GP6: variants seen among roughly 807,000 people sequenced by gnomAD.
GP6 encodes the protein glycoprotein VI platelet.
GP6 carries 45 observed loss-of-function variants against 37.3 expected under a neutral mutation model. That is an observed-to-expected ratio of 1.21 (90% CI 0.95 to 1.55). The LOEUF (loss-of-function observed/expected upper bound fraction) is 1.55, where lower values mean the gene tolerates loss of function less well. Ranked by LOEUF, GP6 falls within the 40% of genes most tolerant of loss-of-function variation. The probability of loss-of-function intolerance (pLI) is 0.00; values close to 1 mark genes in which losing one functional copy is unlikely to be tolerated. For synonymous variants in GP6, 340 were observed against 316.4 expected (o/e 1.07, Z -0.79); for missense variants, 813 against 760.2 (o/e 1.07, Z -0.82).
chr19:55,019,103 T>C (rs758312718), intron 5 of GP6, among the ~76,000 whole-genome samples: 462 of 78,524 alleles, frequency 5.9e-3, no homozygotes, highest in Non-Finnish European at 9.6e-3. Context: ...TCTTTCTTTT[T>C]TTTCTTTTTT....
At chr19:55,030,031 A>G (rs12610286) in intron 3 of GP6, among the ~76,000 whole-genome samples, 49,356 of 152,036 alleles carry the variant, frequency 0.32, 8,278 homozygotes, top group East Asian at 0.56. Context: ...AACAATTAAC[A>G]TATTTGAAAA....
At chr19:55,036,259 G>C (rs2074827269) in intron 1 of GP6, among the ~76,000 whole-genome samples, 2 of 152,050 alleles carry the variant, frequency 1.3e-5, no homozygotes, top group Non-Finnish European at 2.9e-5. Context: ...GAAGGGAAGG[G>C]CAGAAGTGGG....
At position 55,032,126 on chromosome 19, in the gene GP6, C is replaced by T; in HGVS notation, c.325+13G>A. On this transcript the variant is annotated intron_variant, in intron 3 of 7. Transcript: ENST00000310373. ...GACCACGCAGTCCCAGGCTCCGATCCCCCTTCCTTTACCCGTGGCAACGAG... is the reference window on the plus strand; with the variant it reads ...GACCACGCAGTCCCAGGCTCCGATCTCCCTTCCTTTACCCGTGGCAACGAG... 6.2e-7 allele frequency: 1 copy of T among 1,613,056 alleles called. No individual in the cohort carries two copies. The highest frequency in any genetic ancestry group is 1.1e-5 in the South Asian group (1 of 91,062).
At chr19:55,028,630 T>C (rs554395649) in intron 3 of GP6, among the ~76,000 whole-genome samples, 72 of 152,282 alleles carry the variant, frequency 4.7e-4, no homozygotes, top group Non-Finnish European at 1.6e-4. Context: ...CCATTTTTGT[T>C]TTTCAATTAT....
intron 3 of GP6, among the ~76,000 whole-genome samples, chr19:55,029,058 A>G (rs1050561188): frequency 6.6e-6 from 1 of 151,568 alleles, no homozygotes; most frequent in Non-Finnish European, 1.5e-5. Flanking sequence ...TAAGCTGCCT[A>G]ATAATTATGG....
Position 55,014,988 on chromosome 19 carries a change from G to A in GP6, c.957C>T (p.Asp319=). 1 of 1,613,434 alleles carries A rather than the reference G, an allele frequency of 6.2e-7. No individual in the cohort carries two copies. The highest frequency in any genetic ancestry group is 8.5e-7 in the Non-Finnish European group (1 of 1,179,830). The stretch of plus-strand genomic sequence containing the variant: ...ATCCTGACCCCCGTTTGATTTCCGG[G>A]TCAGCGGGAGGGGCGGGAGGGGCGG... The change falls in exon 8 of 8, where the codon GAC becomes GAT. Residue 319 remains aspartate (D), a synonymous_variant. Coordinates refer to ENST00000310373, the MANE Select transcript of GP6 (RefSeq NM_001083899.2).
intron 5 of GP6, among the ~76,000 whole-genome samples, chr19:55,024,324 A>ACACGCACG (rs2074211671): frequency 3.3e-4 from 9 of 27,328 alleles, no homozygotes; most frequent in Non-Finnish European, 4.5e-4. Flanking sequence ...ACGCACACAC[A>ACACGCACG]CATATGCACG....
chr19:55,024,680 C>T (rs748814392), intron 5 of GP6, among the ~76,000 whole-genome samples: 75 of 152,174 alleles, frequency 4.9e-4, no homozygotes, highest in Non-Finnish European at 9.7e-4. Flanking sequence ...ATTCTGGAGC[C>T]ATAGCATCAG....
At chr19:55,025,348 C>G (rs1007016295) in intron 4 of GP6, 77 bp from the exon 5 acceptor site, 1 of 899,888 alleles carries the variant, frequency 1.1e-6, no homozygotes, top group Non-Finnish European at 1.8e-6. Flanking sequence ...ATCTCCGTGA[C>G]TGAGTTTCCT....
At chr19:55,032,599 TG>T in intron 1 of GP6, 61 bp from the exon 2 acceptor site, 1 of 1,564,264 alleles carries the variant, frequency 6.4e-7, no homozygotes, top group East Asian at 2.2e-5. Context: ...TCCTGCCTGC[TG>T]GGCGCGGTGA....
chr19:55,016,516 C>T (rs191984108), intron 6 of GP6, among the ~76,000 whole-genome samples: 1 of 151,720 alleles, frequency 6.6e-6, no homozygotes, highest in African/African-American at 2.4e-5. Flanking sequence ...GCTGGGACTA[C>T]AGGCGTCCGC....
chr19:55,027,565 G>C lies in GP6; in HGVS notation c.610+13C>G. Reference sequence around the variant, plus strand: ...AGGCTGAGGAAGAAAGGTTTGGTCTGCACTACCCCTACCTGTGACCACAAG... The same window carrying C: ...AGGCTGAGGAAGAAAGGTTTGGTCTCCACTACCCCTACCTGTGACCACAAG... On this transcript the variant is annotated intron_variant, in intron 4 of 7. Transcript: ENST00000310373. 6.2e-7 allele frequency: 1 copy of C among 1,607,488 alleles called. No homozygotes were observed. The highest frequency in any genetic ancestry group is 1.3e-5 in the African/African-American group (1 of 74,944).
In GP6 at chr19:55,018,678, G is replaced by T; in HGVS notation, c.698C>A (p.Ser233Ter). The T allele has an allele frequency of 6.2e-7, 1 of 1,607,936 alleles. No individual in the cohort carries two copies. The highest frequency in any genetic ancestry group is 1.1e-5 in the South Asian group (1 of 90,970). ...AGTTGTGAAGACTTCGTTTGTGAAT[G>T]AGACGGTCAGTTCAGCGGTGGCTTC... The change falls in exon 6 of 8, where the codon TCA becomes TAA. Residue 233 changes from serine to a stop codon, truncating the protein, a stop_gained. Transcript: ENST00000310373. LOFTEE classifies it high-confidence loss of function.
Position 55,014,418 on chromosome 19 carries a change from C to G in GP6, c.1527G>C (p.Thr509=), listed in dbSNP as rs753756120. 6.2e-7 allele frequency: 1 copy of G among 1,613,396 alleles called. No homozygotes were observed. The highest frequency in any genetic ancestry group is 8.5e-7 in the Non-Finnish European group (1 of 1,179,462). The stretch of plus-strand genomic sequence containing the variant: ...ACATACCCAAACTGCCTGCAAGACC[C>G]GTTCTGAGAGACGAAAGGAGATTTG... The change falls in exon 8 of 8, where the codon ACG becomes ACC. Residue 509 remains threonine (T), a synonymous_variant. Coordinates refer to ENST00000310373, the MANE Select transcript of GP6 (RefSeq NM_001083899.2).
In GP6 at chr19:55,014,296, T is replaced by C. The variant is rs766808148; in HGVS notation, c.1649A>G (p.Tyr550Cys). 5.5e-6 allele frequency: 8 copies of C among 1,457,570 alleles called. No homozygotes were observed. In the South Asian group the frequency reaches 9.1e-5, roughly 17 times the overall value. The allele number at this position is 1,457,570 out of a possible 1,614,324, so 90.3% of individuals were successfully genotyped here. ...TTTTTGTGTTTTTTTGTTTTGTTGG[T>C]AGAGATGAGGTTTCACCATGTTGCA... Residue 550 changes from tyrosine to cysteine, a missense_variant, in exon 8 of 8, where the codon TAC (tyrosine) becomes TGC (cysteine). Coordinates refer to ENST00000310373, the MANE Select transcript of GP6 (RefSeq NM_001083899.2).
rs1009572499 is a variant in GP6 at position 55,015,177 on chromosome 19, A to T, written c.780-12T>A. 4 of 1,552,632 alleles carry T rather than the reference A, an allele frequency of 2.6e-6. No homozygotes were observed. The highest frequency in any genetic ancestry group is 3.5e-6 in the Non-Finnish European group (4 of 1,147,618). ...CTGGCGGGCAGGACCTGGAGGAATG[A>T]GGAGAGGCAGGAGCAGGTGAAAGAG... On this transcript the variant is annotated splice_polypyrimidine_tract_variant and intron_variant, in intron 7 of 7. Coordinates refer to ENST00000310373, the MANE Select transcript of GP6 (RefSeq NM_001083899.2).
intron 4 of GP6, among the ~76,000 whole-genome samples, chr19:55,026,883 CAAAA>C (rs767194721): frequency 7.6e-6 from 1 of 131,098 alleles, no homozygotes. Context: ...GAGACTTCGT[CAAAA>C]AAAAAAAAAA....
In GP6 at chr19:55,032,120, C is replaced by T. The variant is rs76221126; in HGVS notation, c.325+19G>A. 12,523 of 1,612,428 alleles carry T rather than the reference C, an allele frequency of 7.8e-3. 67 individuals carry two copies. Among genetic ancestry groups the T allele is most frequent in the Non-Finnish European group, 9.7e-3 (11,412 of 1,179,594 alleles). ...ACGGAGGACCACGCAGTCCCAGGCT[C>T]CGATCCCCCTTCCTTTACCCGTGGC... On this transcript the variant is annotated intron_variant, in intron 3 of 7. Transcript: ENST00000310373.
Position 55,032,318 on chromosome 19 carries a change from T to C in GP6, c.146A>G (p.Gln49Arg), listed in dbSNP as rs1368636517. The C allele has an allele frequency of 6.2e-7, 1 of 1,614,056 alleles. No homozygotes were observed. Among genetic ancestry groups the C allele is most frequent in the East Asian group, 2.2e-5 (1 of 44,868 alleles). Reference sequence around the variant, plus strand: ...GTACAGGTCCACGCCCGGAGGTCCCTGGCACCGGAGGGTCACTGGCTTCTC... The same window carrying C: ...GTACAGGTCCACGCCCGGAGGTCCCCGGCACCGGAGGGTCACTGGCTTCTC... Residue 49 changes from glutamine to arginine, a missense_variant, in exon 3 of 8, where the codon CAG (glutamine) becomes CGG (arginine). Coordinates refer to ENST00000310373, the MANE Select transcript of GP6 (RefSeq NM_001083899.2).
Sources: gnomAD v4.1 joint callset for allele counts (sites outside exome capture counted in the v4.1 genomes callset) on GRCh38, gnomAD v4.1.1 for gene constraint, MANE v1.5 for transcripts, NCBI Gene and HGNC (gene_info 2026-07-23, HGNC 2026-07-21) for gene names.